The following LRRTM4 variants were observed in gnomAD, a reference collection of about 807,000 sequenced individuals.
LRRTM4 encodes leucine-rich repeat transmembrane neuronal protein 4.
LRRTM4 carries 25 observed loss-of-function variants against 47.6 expected under a neutral mutation model. The ratio of observed to expected loss-of-function variants is 0.53; its 90% CI spans 0.38 to 0.73. The LOEUF is 0.73. Ranked by LOEUF, LRRTM4 falls within the 30% of genes least tolerant of loss-of-function variation. The probability of loss-of-function intolerance (pLI) is 0.00; values close to 1 mark genes in which losing one functional copy is unlikely to be tolerated. For synonymous variants in LRRTM4, 311 were observed against 269.5 expected, an observed-to-expected ratio of 1.15 and a Z score of -1.51; for missense variants, 638 against 713.4, an observed-to-expected ratio of 0.89 and a Z score of 1.20.
intron 3 of LRRTM4, among the ~76,000 whole-genome samples, chr2:77,223,961 G>A (rs1395869203): frequency 4.0e-5 from 6 of 151,808 alleles, no homozygotes; most frequent in Non-Finnish European, 7.4e-5. Context: ...TTCAAACTAT[G>A]CTACAAGGCT....
At chr2:77,376,716 AT>A (rs1672855854) in intron 3 of LRRTM4, among the ~76,000 whole-genome samples, 1 of 151,802 alleles carries the variant, frequency 6.6e-6, no homozygotes, top group Non-Finnish European at 1.5e-5. Flanking sequence ...AACTATCATG[AT>A]TTATCATGCT....
In LRRTM4 at chr2:77,004,372, T is replaced by A. The variant is rs544611437; in HGVS notation, c.1552-255456A>T. Among the ~76,000 whole-genome samples, 308 of 152,262 alleles carry A rather than the reference T, an allele frequency of 2.0e-3. 1 individual carries two copies. Among genetic ancestry groups the A allele is most frequent in the Non-Finnish European group, 3.7e-3 (249 of 68,030 alleles). On this transcript the variant is annotated intron_variant, in intron 3 of 3. Coordinates refer to ENST00000409884, the MANE Select transcript of LRRTM4 (RefSeq NM_001134745.3). ...TAGTCATGGCTAAAAGAGACCAAAGTGTATCTTGGGACATGGCTTGAGAGG... is the reference window on the plus strand; with the variant it reads ...TAGTCATGGCTAAAAGAGACCAAAGAGTATCTTGGGACATGGCTTGAGAGG...
intron 3 of LRRTM4, among the ~76,000 whole-genome samples, chr2:77,423,825 G>A (rs1195400064): frequency 6.6e-6 from 1 of 152,028 alleles, no homozygotes; most frequent in African/African-American, 2.4e-5. Flanking sequence ...GATGAAAATG[G>A]ACCCCGAGTG....
intron 3 of LRRTM4, among the ~76,000 whole-genome samples, chr2:77,101,872 C>G (rs1030866978): frequency 5.9e-5 from 9 of 151,964 alleles, no homozygotes; most frequent in African/African-American, 2.2e-4. Context: ...TTTTGCTATT[C>G]TATTCCCAGT....
At chr2:77,225,378 A>T (rs534345036) in intron 3 of LRRTM4, among the ~76,000 whole-genome samples, 1 of 151,924 alleles carries the variant, frequency 6.6e-6, no homozygotes, top group Admixed American at 6.6e-5. Context: ...ATAAAATAAA[A>T]AAAAAGACCC....
intron 3 of LRRTM4, among the ~76,000 whole-genome samples, chr2:77,082,328 G>A (rs1680559519): frequency 6.6e-6 from 1 of 151,846 alleles, no homozygotes; most frequent in South Asian, 2.1e-4. Context: ...CTTATGATGT[G>A]TCTCATATTG....
intron 3 of LRRTM4, among the ~76,000 whole-genome samples, chr2:77,428,835 T>A (rs993453661): frequency 6.6e-6 from 1 of 152,216 alleles, no homozygotes; most frequent in East Asian, 1.9e-4. Context: ...TTAAGTAGAA[T>A]CCTTTTAATG....
chr2:77,014,957 T>A (rs1678007922), intron 3 of LRRTM4, among the ~76,000 whole-genome samples: 1 of 152,180 alleles, frequency 6.6e-6, no homozygotes, highest in Admixed American at 6.5e-5. Context: ...TAGCCTACTG[T>A]CTTTAGTAAT....
At chr2:77,433,631 A>C (rs554497277) in intron 3 of LRRTM4, among the ~76,000 whole-genome samples, 1 of 152,326 alleles carries the variant, frequency 6.6e-6, no homozygotes, top group East Asian at 1.9e-4. Context: ...TCCATTCTTC[A>C]TTGCCATAAG....
chr2:77,435,104 C>A (rs1302896182), intron 3 of LRRTM4, among the ~76,000 whole-genome samples: 1 of 151,888 alleles, frequency 6.6e-6, no homozygotes, highest in Non-Finnish European at 1.5e-5. Flanking sequence ...AGAACTCCCA[C>A]CCCCAAGTTG....
chr2:77,371,429 T>C (rs1041281339), intron 3 of LRRTM4, among the ~76,000 whole-genome samples: 16 of 151,870 alleles, frequency 1.1e-4, no homozygotes, highest in Admixed American at 3.3e-4. Context: ...AACTGTCCCC[T>C]TTCCTCAAAT....
chr2:76,903,522 C>A (rs114235496), intron 3 of LRRTM4, among the ~76,000 whole-genome samples: 12,887 of 151,648 alleles, frequency 0.085, 905 homozygotes, highest in East Asian at 0.38. Flanking sequence ...GGCCACAGAG[C>A]AAGATTCTGT....
chr2:76,913,660 C>T (rs1003876737), intron 3 of LRRTM4, among the ~76,000 whole-genome samples: 7 of 150,644 alleles, frequency 4.6e-5, no homozygotes, highest in African/African-American at 1.7e-4. Context: ...GTACCTCAGC[C>T]TCCCGAGTAG....
intron 3 of LRRTM4, among the ~76,000 whole-genome samples, chr2:77,314,662 C>T (rs192961801): frequency 2.6e-5 from 4 of 152,104 alleles, no homozygotes; most frequent in Non-Finnish European, 5.9e-5. Context: ...GAAAATAGTA[C>T]CTCACCCTTA....
chr2:76,785,651 GTATATGTTAAGATAT>G (rs1674633658), intron 3 of LRRTM4, among the ~76,000 whole-genome samples: 2 of 152,186 alleles, frequency 1.3e-5, no homozygotes, highest in African/African-American at 4.8e-5. Context: ...TAGCTAGATA[GTATATGTTAAGATAT>G]TAAAATAAGA....
chr2:77,194,145 A>G (rs1673751868), intron 3 of LRRTM4, among the ~76,000 whole-genome samples: 1 of 152,072 alleles, frequency 6.6e-6, no homozygotes, highest in Non-Finnish European at 1.5e-5. Flanking sequence ...CAGGTCTTGG[A>G]GTTGTGCTGA....
At position 76,858,240 on chromosome 2, in the gene LRRTM4, G is replaced by C. The variant is rs941343171; in HGVS notation, c.1552-109324C>G. ...AAAGCAGGCTACCCTGCCTAAGATGGATAGGCCTCATCCAACCAGGTGAAC... is the reference window on the plus strand; with the variant it reads ...AAAGCAGGCTACCCTGCCTAAGATGCATAGGCCTCATCCAACCAGGTGAAC... On this transcript the variant is annotated intron_variant, in intron 3 of 3. Transcript: ENST00000409884. 2.0e-5 allele frequency among the ~76,000 whole-genome samples: 3 copies of C among 152,124 alleles called. No homozygotes were observed. In the South Asian group the frequency reaches 6.2e-4, roughly 32 times the overall value.
intron 3 of LRRTM4, among the ~76,000 whole-genome samples, chr2:76,851,046 C>T (rs1360368721): frequency 6.6e-6 from 1 of 152,128 alleles, no homozygotes; most frequent in Admixed American, 6.6e-5. Context: ...GTCTGAAGCC[C>T]CACTTGGGCT....
intron 3 of LRRTM4, among the ~76,000 whole-genome samples, chr2:76,797,116 G>A (rs890401512): frequency 2.2e-4 from 33 of 151,930 alleles, no homozygotes; most frequent in South Asian, 8.3e-4. Context: ...TACAGAGAAT[G>A]CCACAAAGAT....
Sources: allele counts gnomAD v4.1 joint callset (sites outside exome capture counted in the v4.1 genomes callset), GRCh38; gene constraint gnomAD v4.1.1; transcripts MANE v1.5; gene names NCBI Gene and HGNC (gene_info 2026-07-23, HGNC 2026-07-21).